ACACA: variants seen among roughly 807,000 people sequenced by gnomAD.
ACACA encodes acetyl-CoA carboxylase 1.
Under a neutral mutation model 296.1 loss-of-function variants are expected in ACACA, and 103 were observed. That is an observed-to-expected ratio of 0.35 (90% CI 0.30 to 0.41). The LOEUF (loss-of-function observed/expected upper bound fraction) is 0.41, where lower values mean the gene tolerates loss of function less well. Among genes scored for constraint, ACACA ranks in the 10% least tolerant of loss-of-function variants. The probability of loss-of-function intolerance (pLI) is 1.00; values close to 1 mark genes in which losing one functional copy is unlikely to be tolerated. For missense variants in ACACA, 1,554 were observed against 2,989.7 expected, an observed-to-expected ratio of 0.52 and a Z score of 11.20; for synonymous variants, 953 against 1,038.6, an observed-to-expected ratio of 0.92 and a Z score of 1.58.
intron 39 of ACACA, among the ~76,000 whole-genome samples, chr17:37,184,084 T>A (rs1033001593): frequency 6.6e-6 from 1 of 152,062 alleles, no homozygotes; most frequent in Non-Finnish European, 1.5e-5. Flanking sequence ...ACTCCTAACC[T>A]CAGCTGATTT....
intron 28 of ACACA, 107 bp from the exon 29 acceptor site, chr17:37,221,949 T>C: frequency 3.2e-6 from 3 of 941,262 alleles, no homozygotes; most frequent in Non-Finnish European, 5.1e-6. Flanking sequence ...AGGTGCTCTG[T>C]GGGGAGAGAA....
intron 1 of ACACA, among the ~76,000 whole-genome samples, chr17:37,390,636 GA>G (rs566942621): frequency 7.1e-4 from 95 of 133,604 alleles, no homozygotes; most frequent in Non-Finnish European, 6.5e-4. Context: ...CAAAAAGAGA[GA>G]AAAAAAAAAA....
intron 1 of ACACA, among the ~76,000 whole-genome samples, chr17:37,347,624 C>T (rs1044379434): frequency 6.6e-6 from 1 of 151,816 alleles, no homozygotes; most frequent in Non-Finnish European, 1.5e-5. Flanking sequence ...TATTTTAGGC[C>T]AGGTGCGGCG....
intron 45 of ACACA, among the ~76,000 whole-genome samples, chr17:37,135,404 G>A (rs1321209992): frequency 6.6e-6 from 1 of 152,176 alleles, no homozygotes; most frequent in Non-Finnish European, 1.5e-5. Flanking sequence ...GTAGAGAAGG[G>A]GCTCGGTGAC....
intron 46 of ACACA, 101 bp from the exon 47 acceptor site, chr17:37,129,586 T>G (rs1380983489): frequency 6.7e-7 from 1 of 1,486,348 alleles, no homozygotes; most frequent in Non-Finnish European, 9.3e-7. Flanking sequence ...GGCCCACGTA[T>G]GGAATTGCAC....
chr17:37,264,316 T>C (rs992773202), intron 10 of ACACA, among the ~76,000 whole-genome samples: 1 of 152,240 alleles, frequency 6.6e-6, no homozygotes, highest in Non-Finnish European at 1.5e-5. Context: ...AGGACTTTCA[T>C]CTTTAGTTTT....
chr17:37,274,355 T>C, intron 8 of ACACA, 56 bp from the exon 9 acceptor site: 1 of 1,465,426 alleles, frequency 6.8e-7, no homozygotes, highest in Non-Finnish European at 9.6e-7. Context: ...TCTTGTCAAT[T>C]TTCTGCTCTG....
chr17:37,322,784 G>A (rs1366355980), intron 3 of ACACA, among the ~76,000 whole-genome samples: 2 of 152,164 alleles, frequency 1.3e-5, no homozygotes, highest in Non-Finnish European at 2.9e-5. Flanking sequence ...AATTCAACTC[G>A]GGGCCGTCAG....
Position 37,277,130 on chromosome 17 carries a change from A to T in ACACA, c.721-16T>A. ...CCCACACTGCCTGCAAGGGAATACA[A>T]TATAATTCATTCTTAAAATTCATAC... is the stretch of plus-strand genomic sequence containing the variant. On this transcript the variant is annotated splice_polypyrimidine_tract_variant and intron_variant, in intron 6 of 55. Transcript: ENST00000616317. 6.2e-7 allele frequency: 1 copy of T among 1,605,118 alleles called. No individual in the cohort carries two copies. The highest frequency in any genetic ancestry group is 8.5e-7 in the Non-Finnish European group (1 of 1,171,828).
At position 37,217,845 on chromosome 17, in the gene ACACA, C is replaced by T. The variant is rs539477761; in HGVS notation, c.3683+3879G>A. The stretch of plus-strand genomic sequence containing the variant: ...CCTGTAGTCCCAGCTACTTGAGAGG[C>T]TGAAGCAGGAGAATTATTTGAGACC... On this transcript the variant is annotated intron_variant, in intron 29 of 55. Transcript: ENST00000616317. Among the ~76,000 whole-genome samples, 46 of 149,474 alleles carry T rather than the reference C, an allele frequency of 3.1e-4. 1 individual carries two copies. Among genetic ancestry groups the T allele is most frequent in the Admixed American group, 1.0e-3 (15 of 14,940 alleles).
intron 14 of ACACA, among the ~76,000 whole-genome samples, chr17:37,254,123 G>T (rs964135038): frequency 7.8e-6 from 1 of 128,098 alleles, no homozygotes; most frequent in Non-Finnish European, 1.5e-5. Flanking sequence ...TACTATGATT[G>T]TAAGGAAGAA....
intron 1 of ACACA, among the ~76,000 whole-genome samples, chr17:37,342,438 T>TAC (rs1568024190): frequency 1.8e-5 from 1 of 55,188 alleles, no homozygotes; most frequent in Non-Finnish European, 3.4e-5. Context: ...AAAAAAAAAA[T>TAC]ATATATATAT....
At chr17:37,101,956 A>G (rs1429844495) in intron 52 of ACACA, among the ~76,000 whole-genome samples, 1 of 127,884 alleles carries the variant, frequency 7.8e-6, no homozygotes. Context: ...ACTGCACTCA[A>G]ATCTTTCAGG....
At chr17:37,305,788 C>A (rs1202463102) in intron 3 of ACACA, among the ~76,000 whole-genome samples, 1 of 152,146 alleles carries the variant, frequency 6.6e-6, no homozygotes, top group Non-Finnish European at 1.5e-5. Flanking sequence ...CATGGTCTAC[C>A]CACACTGGTA....
Position 37,097,048 on chromosome 17 carries a change from T to G in ACACA, c.6839A>C (p.Gln2280Pro), listed in dbSNP as rs1411877563. 6.2e-7 allele frequency: 1 copy of G among 1,614,054 alleles called. No homozygotes were observed. The highest frequency in any genetic ancestry group is 8.5e-7 in the Non-Finnish European group (1 of 1,180,046). Residue 2280 changes from glutamine to proline, a missense_variant, in exon 54 of 56, where the codon CAG (glutamine) becomes CCG (proline). Gln to Pro is a moderately conservative substitution (Grantham distance 76). Around this residue, in one of 16 missense-constraint regions of ACACA, gnomAD observed 553 missense variants for 1,043.6 expected, o/e 0.53. Coordinates refer to ENST00000616317, the MANE Select transcript of ACACA (RefSeq NM_198834.3). The surrounding 1 kb of genome is among the most constrained non-coding windows in gnomAD (Gnocchi z 4.8). ...HNANPELTDG[Q>P]IQAMLRRWFV... is the part of the protein sequence containing the mutation. The stretch of plus-strand genomic sequence containing the variant: ...CCAGCGCCTTAACATGGCTTGAATC[T>G]GGCCATCAGTCAGCTCAGGGTTGGC...
At chr17:37,112,165 A>G (rs984242547) in intron 51 of ACACA, among the ~76,000 whole-genome samples, 2 of 152,098 alleles carry the variant, frequency 1.3e-5, no homozygotes, top group African/African-American at 4.8e-5. Flanking sequence ...GAGGTAAAAC[A>G]TTCTGCCCAG....
intron 3 of ACACA, among the ~76,000 whole-genome samples, chr17:37,312,609 C>A (rs755110426): frequency 6.6e-6 from 1 of 152,118 alleles, no homozygotes; most frequent in Non-Finnish European, 1.5e-5. Flanking sequence ...GAAAACATTA[C>A]ATGTTTTTGA....
intron 1 of ACACA, among the ~76,000 whole-genome samples, chr17:37,400,619 T>A (rs2051247538): frequency 6.6e-6 from 1 of 152,182 alleles, no homozygotes; most frequent in Admixed American, 6.6e-5. Flanking sequence ...TAAGCAGTAT[T>A]TGTTTTTCTG....
At chr17:37,177,947 C>G (rs1467324944) in intron 41 of ACACA, among the ~76,000 whole-genome samples, 2 of 152,106 alleles carry the variant, frequency 1.3e-5, no homozygotes, top group East Asian at 3.8e-4. Context: ...AGCCACACAC[C>G]TTGTATATAT....
Sources: allele counts gnomAD v4.1 joint callset (sites outside exome capture counted in the v4.1 genomes callset), GRCh38; gene constraint gnomAD v4.1.1; regional missense constraint gnomAD v4.1.1; non-coding constraint Gnocchi (gnomAD v3.1); transcripts MANE v1.5; gene names NCBI Gene and HGNC (gene_info 2026-07-23, HGNC 2026-07-21).